Variants in KDM2B observed in about 807,000 individuals in gnomAD.
KDM2B encodes the protein lysine-specific demethylase 2B.
A neutral mutation model predicts 150.0 loss-of-function variants in KDM2B; 26 were observed. That is an observed-to-expected ratio of 0.17 (90% CI 0.13 to 0.24). The LOEUF is 0.24. KDM2B is among the 10% of genes least tolerant of loss of function. The probability of loss-of-function intolerance (pLI) is 1.00; values close to 1 mark genes in which losing one functional copy is unlikely to be tolerated. For synonymous variants in KDM2B, 734 were observed against 729.5 expected (o/e 1.01, Z -0.10); for missense variants, 1,265 against 1,816.9 (o/e 0.70, Z 5.52).
intron 12 of KDM2B, among the ~76,000 whole-genome samples, chr12:121,464,872 G>A (rs1473971155): frequency 6.6e-6 from 1 of 152,226 alleles, no homozygotes; most frequent in Admixed American, 6.5e-5. Flanking sequence ...CTGTGCTTTG[G>A]AAGATGCAAA....
At chr12:121,579,747 C>A in intron 1 of KDM2B, 1 of 1,382,144 alleles carries the variant, frequency 7.2e-7, no homozygotes, top group South Asian at 1.2e-5. Flanking sequence ...AGATTCCGGG[C>A]GAACCCCGAG....
chr12:121,502,130 T>C (rs1884626083), intron 11 of KDM2B, among the ~76,000 whole-genome samples: 2 of 152,224 alleles, frequency 1.3e-5, no homozygotes, highest in Non-Finnish European at 2.9e-5. Context: ...TGCACCGGCC[T>C]GTTTTCATTC....
chr12:121,553,060 G>T (rs1279000541), intron 4 of KDM2B, among the ~76,000 whole-genome samples: 5 of 151,886 alleles, frequency 3.3e-5, no homozygotes, highest in African/African-American at 1.2e-4. Flanking sequence ...GTGAAACCCC[G>T]AGAATACTAA....
chr12:121,513,865 T>G lies in KDM2B; in HGVS notation c.1048-463A>C, dbSNP rs1555304462. Among the ~76,000 whole-genome samples, 1 of 152,098 alleles carries G rather than the reference T, an allele frequency of 6.6e-6. No individual in the cohort carries two copies. Among genetic ancestry groups the G allele is most frequent in the Non-Finnish European group, 1.5e-5 (1 of 68,026 alleles). Reference sequence around the variant, plus strand: ...ACCAGAAATCAACTTCCAAGCCTTATCTATTTGCAGACAGGTTATGGAGCC... The same window carrying G: ...ACCAGAAATCAACTTCCAAGCCTTAGCTATTTGCAGACAGGTTATGGAGCC... On this transcript the variant is annotated intron_variant, in intron 9 of 22. Coordinates refer to ENST00000377071, the MANE Select transcript of KDM2B (RefSeq NM_032590.5). This position sits in a 1 kb window ranked among gnomAD's most constrained non-coding sequence, Gnocchi z 5.0.
chr12:121,513,304 CTGAG>C lies in KDM2B; in HGVS notation c.1142_1145del (p.Thr381ArgfsTer18), dbSNP rs1444449215. ...TAAGCATCGACTCCCTCTGGTATTC[CTGAG>C]TGAGGTGGGAGCGCTGGGTCACACA... On this transcript the variant is annotated frameshift_variant, in exon 10 of 23. Coordinates refer to ENST00000377071, the MANE Select transcript of KDM2B (RefSeq NM_032590.5). LOFTEE classifies it high-confidence loss of function. This position sits in a 1 kb window ranked among gnomAD's most constrained non-coding sequence, Gnocchi z 5.0. 6.2e-7 allele frequency: 1 copy of C among 1,613,514 alleles called. No individual in the cohort carries two copies. Among genetic ancestry groups the C allele is most frequent in the Admixed American group, 1.7e-5 (1 of 59,986 alleles).
intron 22 of KDM2B, among the ~76,000 whole-genome samples, chr12:121,431,736 G>A (rs1161394161): frequency 2.6e-5 from 4 of 152,052 alleles, no homozygotes; most frequent in South Asian, 2.1e-4. Context: ...TCACCAATTC[G>A]TGAACCTGGA....
At chr12:121,420,679 G>A in the KDM2B span, 3 of 1,613,976 alleles carry the variant, frequency 1.9e-6, no homozygotes, top group African/African-American at 1.3e-5. Flanking sequence ...GGAAATTCTG[G>A]CTCGGAATTT....
At chr12:121,540,174 G>A (rs892546816) in intron 6 of KDM2B, among the ~76,000 whole-genome samples, 10 of 152,118 alleles carry the variant, frequency 6.6e-5, no homozygotes, top group African/African-American at 2.2e-4. Flanking sequence ...ATGGTGGTGC[G>A]TTGGTCCATA....
chr12:121,571,186 G>A (rs1555315831), intron 4 of KDM2B, among the ~76,000 whole-genome samples: 1 of 152,206 alleles, frequency 6.6e-6, no homozygotes. Context: ...ATCTAACAGC[G>A]ATGGGGGAAT....
intron 12 of KDM2B, among the ~76,000 whole-genome samples, chr12:121,490,794 C>A (rs1883261529): frequency 6.6e-6 from 1 of 152,184 alleles, no homozygotes; most frequent in Non-Finnish European, 1.5e-5. Flanking sequence ...TCAGAAATGA[C>A]CTCACAGCAC....
intron 11 of KDM2B, among the ~76,000 whole-genome samples, chr12:121,499,955 A>AAT (rs1178123265): frequency 2.6e-5 from 4 of 151,716 alleles, no homozygotes; most frequent in African/African-American, 9.7e-5. Flanking sequence ...ACTCAAAAAA[A>AAT]AATAATTATT....
At chr12:121,559,372 G>A (rs1247052630) in intron 4 of KDM2B, among the ~76,000 whole-genome samples, 1 of 152,136 alleles carries the variant, frequency 6.6e-6, no homozygotes, top group African/African-American at 2.4e-5. Context: ...GGTGGGAGGA[G>A]GAAGGAAAGT....
chr12:121,441,367 G>T, intron 19 of KDM2B, 134 bp from the exon 20 acceptor site: 1 of 782,842 alleles, frequency 1.3e-6, no homozygotes, highest in Non-Finnish European at 2.0e-6. Context: ...CCTTCTCTAT[G>T]TAGCACCTAT....
rs1458350593 is a variant in KDM2B at position 121,432,212 on chromosome 12, ATCT to A, written c.3830-1746_3830-1744del. On this transcript the variant is annotated intron_variant, in intron 22 of 22. Coordinates refer to ENST00000377071, the MANE Select transcript of KDM2B (RefSeq NM_032590.5). ...TCAGTTTTTCAAAGGGTATCCCTTA[ATCT>A]TCTAATTAATCCCTCAAGTAGTTCC... Among the ~76,000 whole-genome samples, 10 of 152,202 alleles carry A rather than the reference ATCT, an allele frequency of 6.6e-5. No homozygotes were observed. The Middle Eastern group carries it at 0.01, about 155-fold the overall frequency.
intron 13 of KDM2B, among the ~76,000 whole-genome samples, chr12:121,450,187 G>A (rs1277575589): frequency 6.6e-6 from 1 of 151,948 alleles, no homozygotes; most frequent in Non-Finnish European, 1.5e-5. Context: ...GGAGGTATGT[G>A]CCTGTAACTC....
intron 6 of KDM2B, among the ~76,000 whole-genome samples, chr12:121,542,311 C>T (rs1555309877): frequency 6.6e-6 from 1 of 152,200 alleles, no homozygotes; most frequent in African/African-American, 2.4e-5. Context: ...CAGCCCAGGC[C>T]TACATCATTC....
chr12:121,539,182 A>G (rs2141727735), intron 6 of KDM2B, among the ~76,000 whole-genome samples: 1 of 152,042 alleles, frequency 6.6e-6, no homozygotes, highest in Non-Finnish European at 1.5e-5. Context: ...TTTCACCCCT[A>G]AGACAACCAA....
At chr12:121,479,594 G>A (rs1881847368) in intron 12 of KDM2B, among the ~76,000 whole-genome samples, 4 of 152,126 alleles carry the variant, frequency 2.6e-5, no homozygotes, top group African/African-American at 9.6e-5. Context: ...ACTGAAGCCT[G>A]GGCGACAAAC....
At chr12:121,545,812 C>T (rs1245098539) in intron 6 of KDM2B, among the ~76,000 whole-genome samples, 1 of 152,156 alleles carries the variant, frequency 6.6e-6, no homozygotes, top group Non-Finnish European at 1.5e-5. Flanking sequence ...ACCCTCTGTT[C>T]TGCCTGGCCC....
Sources: gnomAD v4.1 joint callset for allele counts (sites outside exome capture counted in the v4.1 genomes callset) on GRCh38, gnomAD v4.1.1 for gene constraint, Gnocchi (gnomAD v3.1) non-coding constraint, MANE v1.5 for transcripts, NCBI Gene and HGNC (gene_info 2026-07-23, HGNC 2026-07-21) for gene names.